ARMC9: variants seen among roughly 807,000 people sequenced by gnomAD.
ARMC9 encodes lisH domain-containing protein ARMC9.
A neutral mutation model predicts 107.0 loss-of-function variants in ARMC9; 94 were observed. The ratio of observed to expected loss-of-function variants is 0.88; its 90% CI spans 0.74 to 1.04. The LOEUF is 1.04. Among genes scored for constraint, ARMC9 ranks in the 50% least tolerant of loss-of-function variants. The pLI is 0.00. For synonymous variants in ARMC9, 380 were observed against 396.9 expected (o/e 0.96, Z 0.51); for missense variants, 942 against 1,030.1 (o/e 0.91, Z 1.17).
chr2:231,310,164 C>T (rs1369446774), intron 19 of ARMC9, among the ~76,000 whole-genome samples: 1 of 152,208 alleles, frequency 6.6e-6, no homozygotes, highest in Non-Finnish European at 1.5e-5. Flanking sequence ...CCTGTAATCC[C>T]AGCACTTTGG....
At chr2:231,219,454 G>A (rs1016053984) in intron 5 of ARMC9, among the ~76,000 whole-genome samples, 45 of 152,178 alleles carry the variant, frequency 3.0e-4, no homozygotes, top group African/African-American at 1.0e-3. Context: ...CTACATTGAA[G>A]ATACAAATCC....
intron 6 of ARMC9, 94 bp downstream of exon 6, chr2:231,222,914 T>A: frequency 2.7e-6 from 2 of 740,722 alleles, no homozygotes; most frequent in Non-Finnish European, 4.5e-6. Flanking sequence ...GGTTGCCTCA[T>A]TAAATCGGGA....
intron 9 of ARMC9, among the ~76,000 whole-genome samples, chr2:231,249,874 C>CACGTGCATTT (rs1559351141): frequency 1.4e-4 from 11 of 79,652 alleles, no homozygotes; most frequent in African/African-American, 4.7e-4. Context: ...GGGAGACCAC[C>CACGTGCATTT]GCCCACCCGT....
In ARMC9 at chr2:231,359,063, T is replaced by C. The variant is rs184742379; in HGVS notation, c.2132-1691T>C. On this transcript the variant is annotated intron_variant, in intron 22 of 24. Coordinates refer to ENST00000611582, the MANE Select transcript of ARMC9 (RefSeq NM_001352754.2). ...CCCCATCTCCTAGCTCCTGGCTGTC[T>C]TAGTTAGGGGGGTCTCCTGTTTTTT... Among the ~76,000 whole-genome samples the C allele has an allele frequency of 4.6e-3, 675 of 146,616 alleles. 7 individuals carry two copies. The highest frequency in any genetic ancestry group is 0.017 in the African/African-American group (617 of 37,248).
In ARMC9 at chr2:231,271,069, G is replaced by A. The variant is rs759848004; in HGVS notation, c.1207G>A (p.Glu403Lys). 6.2e-6 allele frequency: 10 copies of A among 1,613,822 alleles called. No individual in the cohort carries two copies. Among genetic ancestry groups the A allele is most frequent in the Admixed American group, 1.7e-5 (1 of 59,992 alleles). ...RLINAFASLA[E>K]GRLYLAQNTK... ...CATCAATGCTTTTGCGTCACTGGCA[G>A]AAGGTGAGACATCAGCTTTGCTTCA... Residue 403 changes from glutamate (E) to lysine (K), a missense_variant, in exon 13 of 25, where the codon GAA (glutamate) becomes AAA (lysine). Transcript: ENST00000611582.
chr2:231,233,837 C>T (rs2125357850), intron 7 of ARMC9, among the ~76,000 whole-genome samples: 1 of 152,200 alleles, frequency 6.6e-6, no homozygotes, highest in Admixed American at 6.5e-5. Flanking sequence ...TCACCCCTTT[C>T]CATGAAATGA....
intron 9 of ARMC9, among the ~76,000 whole-genome samples, chr2:231,242,407 GT>G (rs1217731798): frequency 7.9e-5 from 12 of 152,314 alleles, no homozygotes; most frequent in Admixed American, 7.8e-4. Context: ...CATGGCCACA[GT>G]GATTTTAGTG....
At chr2:231,368,783 C>G (rs1463288633) in intron 23 of ARMC9, among the ~76,000 whole-genome samples, 1 of 152,052 alleles carries the variant, frequency 6.6e-6, no homozygotes, top group Non-Finnish European at 1.5e-5. Context: ...ACCACCATGC[C>G]CCGCTAATTT....
chr2:231,369,819 C>T (rs1235112301), intron 23 of ARMC9, 134 bp from the exon 24 acceptor site: 13 of 1,007,164 alleles, frequency 1.3e-5, no homozygotes, highest in Non-Finnish European at 1.6e-5. Context: ...GTCTCTAACT[C>T]CTGACTTCAG....
chr2:231,306,559 A>G (rs1200949125), intron 19 of ARMC9, among the ~76,000 whole-genome samples: 4 of 152,232 alleles, frequency 2.6e-5, no homozygotes, highest in Non-Finnish European at 5.9e-5. Context: ...TGGAATTGTA[A>G]TGAAACACAG....
intron 16 of ARMC9, among the ~76,000 whole-genome samples, chr2:231,281,844 G>A (rs939471961): frequency 2.0e-5 from 3 of 152,152 alleles, no homozygotes; most frequent in African/African-American, 4.8e-5. Flanking sequence ...AGGGAGTGAC[G>A]AATTTGGTTT....
rs548622735 is a variant in ARMC9 at position 231,362,361 on chromosome 2, G to T, written c.2261+1478G>T. On this transcript the variant is annotated intron_variant, in intron 23 of 24. Coordinates refer to ENST00000611582, the MANE Select transcript of ARMC9 (RefSeq NM_001352754.2). The surrounding 1 kb of genome is among the most constrained non-coding windows in gnomAD (Gnocchi z 4.7). Reference sequence around the variant, plus strand: ...CAGCCAGGCCAAACCTACGCTTCCGGTATAGGCCACTTCTTTTTACTTCCT... The same window carrying T: ...CAGCCAGGCCAAACCTACGCTTCCGTTATAGGCCACTTCTTTTTACTTCCT... 4.0e-4 allele frequency among the ~76,000 whole-genome samples: 61 copies of T among 152,004 alleles called. 1 individual carries two copies. The highest frequency in any genetic ancestry group is 8.4e-4 in the Non-Finnish European group (57 of 67,868).
At chr2:231,281,975 A>G (rs1273328400) in intron 16 of ARMC9, 84 bp from the exon 17 acceptor site, 3 of 1,325,796 alleles carry the variant, frequency 2.3e-6, no homozygotes, top group African/African-American at 1.5e-5. Context: ...CATTTGCCAG[A>G]TTGTTCTGAG....
chr2:231,285,453 C>A (rs557187398), intron 17 of ARMC9, among the ~76,000 whole-genome samples: 1 of 152,090 alleles, frequency 6.6e-6, no homozygotes, highest in East Asian at 1.9e-4. Flanking sequence ...CGAGACCAGC[C>A]TGGCCAACAT....
At chr2:231,203,126 AC>A (rs1168795311) in intron 1 of ARMC9, among the ~76,000 whole-genome samples, 1 of 151,980 alleles carries the variant, frequency 6.6e-6, no homozygotes, top group African/African-American at 2.4e-5. Context: ...CTGTCGAGCC[AC>A]CCTTCGTGTT....
chr2:231,275,751 C>T (rs1039190080), intron 14 of ARMC9, among the ~76,000 whole-genome samples: 2 of 152,098 alleles, frequency 1.3e-5, no homozygotes, highest in Non-Finnish European at 2.9e-5. Flanking sequence ...GTTGGGAGTT[C>T]GAGACCAGCC....
At chr2:231,256,822 T>TG (rs1192182893) in intron 10 of ARMC9, among the ~76,000 whole-genome samples, 12 of 152,304 alleles carry the variant, frequency 7.9e-5, no homozygotes, top group Non-Finnish European at 1.8e-4. Context: ...CTGTGTGGTT[T>TG]TTTTGTTTGT....
chr2:231,316,156 ATGTATGTGTGTGTGTGTG>A (rs2042663676), intron 19 of ARMC9, among the ~76,000 whole-genome samples: 1 of 116,066 alleles, frequency 8.6e-6, no homozygotes, highest in Non-Finnish European at 1.7e-5. Context: ...ACATGTGTGT[ATGTATGTGTGTGTGTGTG>A]TGTGTGTGTG....
At chr2:231,213,678 T>A (rs1470811487) in intron 3 of ARMC9, among the ~76,000 whole-genome samples, 1 of 152,062 alleles carries the variant, frequency 6.6e-6, no homozygotes, top group Non-Finnish European at 1.5e-5. Context: ...GGTTTCATCA[T>A]GTTGATCAGG....
Sources: gnomAD v4.1 joint callset for allele counts (sites outside exome capture counted in the v4.1 genomes callset) on GRCh38, gnomAD v4.1.1 for gene constraint, Gnocchi (gnomAD v3.1) non-coding constraint, MANE v1.5 for transcripts, NCBI Gene and HGNC (gene_info 2026-07-23, HGNC 2026-07-21) for gene names.